MRC1: variants seen among roughly 807,000 people sequenced by gnomAD.
The protein encoded by MRC1 is macrophage mannose receptor 1.
Under a neutral mutation model 102.9 loss-of-function variants are expected in MRC1, and 62 were observed. That is an observed-to-expected ratio of 0.60 (90% CI 0.49 to 0.74). MRC1 has a LOEUF of 0.74. Ranked by LOEUF, MRC1 falls within the 30% of genes least tolerant of loss-of-function variation. MRC1 has a pLI of 0.00. For missense variants in MRC1, 1,237 were observed against 862.8 expected (o/e 1.43, Z -5.43); for synonymous variants, 457 against 298.4 (o/e 1.53, Z -5.48).
At chr10:17,875,397 A>G (rs1319990717) in intron 17 of MRC1, 144 bp downstream of exon 17, 3 of 675,136 alleles carry the variant, frequency 4.4e-6, no homozygotes, top group Non-Finnish European at 8.0e-6. Context: ...CTGAATGTGT[A>G]GTCTTTTATC....
chr10:17,888,147 T>C (rs1833625985), intron 22 of MRC1, among the ~76,000 whole-genome samples: 1 of 152,184 alleles, frequency 6.6e-6, no homozygotes, highest in South Asian at 2.1e-4. Flanking sequence ...ATGGAGAGGA[T>C]TAAATATAGT....
intron 7 of MRC1, among the ~76,000 whole-genome samples, 186 bp from the exon 8 acceptor site, chr10:17,852,781 T>C (rs1322020415): frequency 1.3e-5 from 2 of 152,158 alleles, no homozygotes; most frequent in East Asian, 1.9e-4. Context: ...AGGTAAAATG[T>C]AGTTGGCATC....
intron 18 of MRC1, among the ~76,000 whole-genome samples, chr10:17,878,340 C>T (rs1833465011): frequency 6.6e-6 from 1 of 152,174 alleles, no homozygotes; most frequent in Non-Finnish European, 1.5e-5. Context: ...CTGCTGGGAA[C>T]CACAGTATCC....
chr10:17,839,305 C>T (rs1481185169), intron 4 of MRC1, among the ~76,000 whole-genome samples: 9 of 151,988 alleles, frequency 5.9e-5, no homozygotes, highest in Admixed American at 2.0e-4. Flanking sequence ...CTTTAATCAG[C>T]GAATTATTTA....
Position 17,907,701 on chromosome 10 carries a change from A to G in MRC1, c.4078+3A>G, listed in dbSNP as rs1448575375. 7.7e-6 allele frequency: 6 copies of G among 780,820 alleles called. No homozygotes were observed. The East Asian group carries it at 1.5e-4, about 19-fold the overall frequency. 48.4% of individuals were successfully genotyped at this position (780,820 alleles called of 1,614,324 possible). On this transcript the variant is annotated splice_donor_region_variant and intron_variant, in intron 28 of 29. Transcript: ENST00000569591. ...ATATATTTGTAAAAGACCAAAAAGT[A>G]AGTAAGAAGTTTGTTGCATGGTGCA...
In MRC1 at chr10:17,898,110, C is replaced by A. The variant is rs1019268485; in HGVS notation, c.3327C>A (p.Leu1109=). 5.3e-4 allele frequency: 413 copies of A among 780,812 alleles called. 1 individual carries two copies. In the African/African-American group the frequency reaches 6.1e-3, roughly 12 times the overall value. 48.4% of individuals were successfully genotyped at this position (780,812 alleles called of 1,614,324 possible). The change falls in exon 24 of 30, where the codon CTC becomes CTA. Residue 1109 remains leucine (L), a synonymous_variant. Transcript: ENST00000569591. Reference sequence around the variant, plus strand: ...AATATGGCAAAAGCAGCTATTCACTCATGAGACAAAAATTTCAATGGCATG... The same window carrying A: ...AATATGGCAAAAGCAGCTATTCACTAATGAGACAAAAATTTCAATGGCATG... ...FVKYGKSSYS[L]MRQKFQWHEA...
chr10:17,809,998 A>C lies in MRC1; in HGVS notation c.61+472A>C, dbSNP rs895085842. ...GGTATCATCGCAGATCATCCCCCCA[A>C]AAGAGATTCTAAGCAATTTCCATAC... On this transcript the variant is annotated intron_variant, in intron 1 of 29. Transcript: ENST00000569591. Among the ~76,000 whole-genome samples, 1,013 of 152,246 alleles carry C rather than the reference A, an allele frequency of 6.7e-3. 5 individuals carry two copies. Among genetic ancestry groups the C allele is most frequent in the Non-Finnish European group, 0.011 (715 of 68,020 alleles).
In MRC1 at chr10:17,856,311, C is replaced by G. The variant is rs1833091870; in HGVS notation, c.1477C>G (p.Gln493Glu). 1 of 861,556 alleles carries G rather than the reference C, an allele frequency of 1.2e-6. No individual in the cohort carries two copies. Among genetic ancestry groups the G allele is most frequent in the African/African-American group, 1.6e-5 (1 of 61,022 alleles). The allele number at this position is 861,556 out of a possible 1,614,324, so 53.4% of individuals were successfully genotyped here. ...GYICKMKSRSQGPEIVEVEKG... is the reference protein window; with the variant it reads ...GYICKMKSRSEGPEIVEVEKG... ...CATCTGCAAGATGAAATCACGAAGCCAAGGTCCAGAAATAGTGGAAGTCGA... is the reference window on the plus strand; with the variant it reads ...CATCTGCAAGATGAAATCACGAAGCGAAGGTCCAGAAATAGTGGAAGTCGA... Residue 493 changes from glutamine to glutamate, a missense_variant, in exon 9 of 30, where the codon CAA becomes GAA. Physicochemically the swap from Gln to Glu is conservative, Grantham distance 29. Coordinates refer to ENST00000569591, the MANE Select transcript of MRC1 (RefSeq NM_002438.4).
At chr10:17,886,457 C>T (rs1198113609) in intron 22 of MRC1, among the ~76,000 whole-genome samples, 1 of 152,056 alleles carries the variant, frequency 6.6e-6, no homozygotes. Context: ...GGCTGGAGTG[C>T]AGTGGCATGA....
At chr10:17,866,517 AG>A (rs1833270004) in intron 11 of MRC1, 44 bp from the exon 12 acceptor site, 1 of 780,740 alleles carries the variant, frequency 1.3e-6, no homozygotes, top group East Asian at 2.4e-5. Context: ...GCAGGCCTTC[AG>A]CAGGCACCTG....
intron 5 of MRC1, among the ~76,000 whole-genome samples, chr10:17,842,597 A>G (rs71497219): frequency 0.12 from 18,004 of 152,246 alleles, 1,087 homozygotes; most frequent in Middle Eastern, 0.18. Context: ...CTGTCTACCT[A>G]TTCAGCCAGA....
intron 22 of MRC1, among the ~76,000 whole-genome samples, chr10:17,890,711 T>C (rs1043384513): frequency 6.6e-6 from 1 of 152,216 alleles, no homozygotes; most frequent in Non-Finnish European, 1.5e-5. Flanking sequence ...AAAAATCTTT[T>C]AGTGTGTCTT....
In MRC1 at chr10:17,885,253, T is replaced by C. The variant is rs1012359156; in HGVS notation, c.2981-16T>C. On this transcript the variant is annotated splice_polypyrimidine_tract_variant and intron_variant, in intron 21 of 29. Transcript: ENST00000569591. ...ACTCTCAAAGTTTAAAATTATATCA[T>C]GAAATTTTCTTTCAGCATTTCTTAC... 3 of 780,726 alleles carry C rather than the reference T, an allele frequency of 3.8e-6. No homozygotes were observed. In the African/African-American group the frequency reaches 5.1e-5, roughly 13 times the overall value. 48.4% of individuals were successfully genotyped at this position (780,726 alleles called of 1,614,324 possible). A position where few individuals can be genotyped will look rare whatever the true frequency, so the allele number is the denominator to read the frequency against.
At chr10:17,904,113 T>A (rs691845) in intron 26 of MRC1, among the ~76,000 whole-genome samples, 110,072 of 152,176 alleles carry the variant, frequency 0.72, 40,343 homozygotes, top group African/African-American at 0.84. Flanking sequence ...CCATAAGCAC[T>A]GATTTACAAG....
chr10:17,856,340 A>T lies in MRC1; in HGVS notation c.1506A>T (p.Lys502Asn). ...SQGPEIVEVE[K>N]GCRKGWKKHH... is the part of the protein sequence containing the mutation. ...GTCCAGAAATAGTGGAAGTCGAAAA[A>T]GGCTGCAGGAAAGTGAGTGCACCAT... is the stretch of plus-strand genomic sequence containing the variant. Residue 502 changes from lysine to asparagine, a missense_variant, in exon 9 of 30, where the codon AAA (lysine) becomes AAT (asparagine). Physicochemically the swap from Lys to Asn is moderately conservative, Grantham distance 94. Transcript: ENST00000569591. 1 of 852,818 alleles carries T rather than the reference A, an allele frequency of 1.2e-6. No individual in the cohort carries two copies. The highest frequency in any genetic ancestry group is 2.0e-6 in the Non-Finnish European group (1 of 491,604). The allele number at this position is 852,818 out of a possible 1,614,324, so 52.8% of individuals were successfully genotyped here.
At chr10:17,873,857 C>T in intron 16 of MRC1, 32 bp downstream of exon 16, 1 of 871,374 alleles carries the variant, frequency 1.1e-6, no homozygotes, top group East Asian at 2.4e-5. Context: ...GATCTCTGTA[C>T]TGATAACCCT....
intron 22 of MRC1, among the ~76,000 whole-genome samples, chr10:17,891,753 G>A (rs1833679885): frequency 6.6e-6 from 1 of 152,150 alleles, no homozygotes; most frequent in Non-Finnish European, 1.5e-5. Context: ...AAAATCTCTG[G>A]TGTCCTTGTT....
intron 22 of MRC1, among the ~76,000 whole-genome samples, chr10:17,886,555 C>T (rs1361382185): frequency 2.0e-5 from 3 of 152,152 alleles, no homozygotes; most frequent in African/African-American, 4.8e-5. Context: ...GTGCCCACCA[C>T]CATGCCTGAC....
At position 17,879,573 on chromosome 10, in the gene MRC1, G is replaced by C. The variant is rs1030982999; in HGVS notation, c.2619-148G>C. 48 of 772,720 alleles carry C rather than the reference G, an allele frequency of 6.2e-5. 1 individual carries two copies. The East Asian group carries it at 9.7e-4, about 16-fold the overall frequency. The allele number at this position is 772,720 out of a possible 1,614,324, so 47.9% of individuals were successfully genotyped here. On this transcript the variant is annotated intron_variant, in intron 18 of 29. Transcript: ENST00000569591. ...AGATGGAGTTTCCCCATGTTGGTCAGGCTAGACTCGAACTCCTGGCCTCAG... is the reference window on the plus strand; with the variant it reads ...AGATGGAGTTTCCCCATGTTGGTCACGCTAGACTCGAACTCCTGGCCTCAG...
Sources: gnomAD v4.1 joint callset for allele counts (sites outside exome capture counted in the v4.1 genomes callset) on GRCh38, gnomAD v4.1.1 for gene constraint, MANE v1.5 for transcripts, NCBI Gene and HGNC (gene_info 2026-07-23, HGNC 2026-07-21) for gene names.